Variants in FKTN observed in about 807,000 individuals in gnomAD.
The protein encoded by FKTN is ribitol-5-phosphate transferase FKTN.
Under a neutral mutation model 58.6 loss-of-function variants are expected in FKTN, and 47 were observed. That is an observed-to-expected ratio of 0.80 (90% CI 0.63 to 1.02). The LOEUF is 1.02. FKTN is among the 50% of genes least tolerant of loss of function. The pLI is 0.00. For missense variants in FKTN, 516 were observed against 537.3 expected, an observed-to-expected ratio of 0.96 and a Z score of 0.39; for synonymous variants, 178 against 191.9, an observed-to-expected ratio of 0.93 and a Z score of 0.60.
intron 3 of FKTN, among the ~76,000 whole-genome samples, chr9:105,596,121 A>T (rs1826760075): frequency 6.6e-6 from 1 of 152,158 alleles, no homozygotes; most frequent in South Asian, 2.1e-4. Flanking sequence ...ACCTTGCAGG[A>T]TTGTTGTGAG....
chr9:105,616,410 A>G (rs1435429780), intron 8 of FKTN, among the ~76,000 whole-genome samples: 1 of 152,150 alleles, frequency 6.6e-6, no homozygotes, highest in Non-Finnish European at 1.5e-5. Context: ...TTCCTAGGTC[A>G]TTGGTAGTAT....
At chr9:105,581,371 G>T (rs1260089886) in intron 3 of FKTN, among the ~76,000 whole-genome samples, 2 of 148,450 alleles carry the variant, frequency 1.3e-5, no homozygotes, top group African/African-American at 5.1e-5. Context: ...CTGTTTGTTA[G>T]TTTTCCTTCT....
intron 10 of FKTN, among the ~76,000 whole-genome samples, chr9:105,632,377 C>A (rs1296525898): frequency 6.6e-6 from 1 of 150,568 alleles, no homozygotes; most frequent in Non-Finnish European, 1.5e-5. Context: ...ATGTAACTAA[C>A]CTGCACAATG....
At chr9:105,596,040 A>G (rs116639154) in intron 3 of FKTN, among the ~76,000 whole-genome samples, 1 of 152,034 alleles carries the variant, frequency 6.6e-6, no homozygotes, top group Non-Finnish European at 1.5e-5. Flanking sequence ...AAACTTCAAC[A>G]TTCAAAATTA....
chr9:105,590,509 C>A (rs974025126), intron 3 of FKTN, among the ~76,000 whole-genome samples: 1 of 152,056 alleles, frequency 6.6e-6, no homozygotes, highest in Non-Finnish European at 1.5e-5. Flanking sequence ...ATGATTTGGA[C>A]AAGAGAGTTG....
intron 4 of FKTN, chr9:105,598,511 T>C (rs1017446204): frequency 4.6e-5 from 7 of 153,622 alleles, no homozygotes; most frequent in African/African-American, 1.7e-4. Context: ...CACAGGCAGA[T>C]GAATGGGCTA....
intron 1 of FKTN, among the ~76,000 whole-genome samples, chr9:105,573,219 A>G (rs149536931): frequency 0.011 from 1,583 of 145,014 alleles, 38 homozygotes; most frequent in African/African-American, 0.039. Context: ...AGCCTGAGTG[A>G]CAGAGGGAGA....
At chr9:105,615,508 T>C in intron 8 of FKTN, 101 bp downstream of exon 8, 1 of 1,132,152 alleles carries the variant, frequency 8.8e-7, no homozygotes, top group Non-Finnish European at 1.3e-6. Context: ...ATTTGAAGTG[T>C]CATGTGTATA....
intron 3 of FKTN, among the ~76,000 whole-genome samples, chr9:105,585,196 G>A (rs921529011): frequency 1.8e-4 from 28 of 152,132 alleles, no homozygotes; most frequent in Admixed American, 1.3e-4. Flanking sequence ...AGGCTTAGGC[G>A]AGAGGATCGC....
Position 105,604,354 on chromosome 9 carries a change from C to A in FKTN, c.509C>A (p.Ala170Glu), listed in dbSNP as rs119464997. ...LHYICKLATH[A>E]IHLVVFHERS... ...TATATCTGCAAACTGGCCACTCATG[C>A]GATCCACTTGGTAGTCTTTCATGAG... Residue 170 changes from alanine (A) to glutamate (E), a missense_variant, in exon 6 of 11, where the codon GCG (alanine) becomes GAG (glutamate). Physicochemically the swap from Ala to Glu is moderately radical, Grantham distance 107. Transcript: ENST00000357998. 6.2e-7 allele frequency: 1 copy of A among 1,614,142 alleles called. No individual in the cohort carries two copies. Among genetic ancestry groups the A allele is most frequent in the Non-Finnish European group, 8.5e-7 (1 of 1,179,984 alleles).
chr9:105,602,771 G>A (rs1828130375), intron 5 of FKTN, among the ~76,000 whole-genome samples: 1 of 151,920 alleles, frequency 6.6e-6, no homozygotes, highest in Non-Finnish European at 1.5e-5. Context: ...TATTGGCCAG[G>A]CTGGTCTTGA....
intron 3 of FKTN, among the ~76,000 whole-genome samples, chr9:105,586,589 AATTTGATAGAC>A (rs1843947668): frequency 6.6e-6 from 1 of 152,254 alleles, no homozygotes; most frequent in Admixed American, 6.5e-5. Context: ...TGAAACTCAT[AATTTGATAGAC>A]ATGGCAGCAT....
intron 10 of FKTN, among the ~76,000 whole-genome samples, chr9:105,634,518 G>A (rs1377919568): frequency 6.6e-6 from 1 of 152,078 alleles, no homozygotes; most frequent in East Asian, 1.9e-4. Context: ...TATTCCTTGG[G>A]CTGGTTTAAA....
At chr9:105,628,931 G>T (rs1373354491) in intron 10 of FKTN, among the ~76,000 whole-genome samples, 1 of 152,166 alleles carries the variant, frequency 6.6e-6, no homozygotes, top group African/African-American at 2.4e-5. Flanking sequence ...TGACTGACAA[G>T]GGGCACAGGG....
chr9:105,568,115 T>C (rs1840032426), intron 1 of FKTN, among the ~76,000 whole-genome samples: 1 of 152,118 alleles, frequency 6.6e-6, no homozygotes, highest in Admixed American at 6.5e-5. Context: ...CTGGATCCCT[T>C]CCTTACACCT....
intron 4 of FKTN, among the ~76,000 whole-genome samples, chr9:105,600,652 G>A (rs1234580845): frequency 2.6e-5 from 4 of 152,082 alleles, no homozygotes; most frequent in South Asian, 2.1e-4. Flanking sequence ...TTATTAAGCA[G>A]CATTACAGAT....
Position 105,619,347 on chromosome 9 carries a change from G to A in FKTN, c.1045-587G>A, listed in dbSNP as rs149848868. On this transcript the variant is annotated intron_variant, in intron 9 of 10. Transcript: ENST00000357998. The stretch of plus-strand genomic sequence containing the variant: ...ATAATTCTGTGATGAGTGCTGTGGC[G>A]GACAGATGTACCAAGTCCAATGGGA... Among the ~76,000 whole-genome samples, 129 of 152,238 alleles carry A rather than the reference G, an allele frequency of 8.5e-4. 1 individual carries two copies. Among genetic ancestry groups the A allele is most frequent in the African/African-American group, 3.0e-3 (125 of 41,544 alleles).
chr9:105,570,604 T>C (rs1792281393), intron 1 of FKTN, among the ~76,000 whole-genome samples: 1 of 152,166 alleles, frequency 6.6e-6, no homozygotes, highest in South Asian at 2.1e-4. Context: ...ACTACTGCCC[T>C]TCTTCTTTTG....
rs570089889 is a variant in FKTN at position 105,582,095 on chromosome 9, C to G, written c.105+6958C>G. On this transcript the variant is annotated intron_variant, in intron 3 of 10. Coordinates refer to ENST00000357998, the MANE Select transcript of FKTN (RefSeq NM_001079802.2). Reference sequence around the variant, plus strand: ...ACTCCCTAGTGAGATGAACCCGGTACCTCAGATGGAAATGCAGAAATCACC... The same window carrying G: ...ACTCCCTAGTGAGATGAACCCGGTAGCTCAGATGGAAATGCAGAAATCACC... Among the ~76,000 whole-genome samples the G allele has an allele frequency of 8.4e-3, 1,283 of 152,098 alleles. 18 individuals are homozygous for G. Among genetic ancestry groups the G allele is most frequent in the African/African-American group, 0.03 (1,230 of 41,376 alleles).
Sources: allele counts gnomAD v4.1 joint callset (sites outside exome capture counted in the v4.1 genomes callset), GRCh38; gene constraint gnomAD v4.1.1; transcripts MANE v1.5; gene names NCBI Gene and HGNC (gene_info 2026-07-23, HGNC 2026-07-21).